The following MEIS1 variants were observed in gnomAD, a reference collection of about 807,000 sequenced individuals.
MEIS1 encodes Meis homeobox 1, also known as homeobox protein Meis1.
MEIS1 carries 5 observed loss-of-function variants against 50.8 expected under a neutral mutation model. The observed-to-expected ratio is 0.10, with a 90% CI of 0.05 to 0.21. The LOEUF (loss-of-function observed/expected upper bound fraction) is 0.21. Ranked by LOEUF, MEIS1 falls within the 10% of genes least tolerant of loss-of-function variation. The pLI is 1.00. For synonymous variants in MEIS1, 176 were observed against 179.3 expected (o/e 0.98, Z 0.15); for missense variants, 318 against 517.3 (o/e 0.61, Z 3.74).
chr2:66,475,209 A>AATAAATATGTATTTATTTT (rs201184412), intron 7 of MEIS1, among the ~76,000 whole-genome samples: 3 of 145,962 alleles, frequency 2.1e-5, no homozygotes, highest in East Asian at 2.0e-4. Flanking sequence ...CACCTATATA[A>AATAAATATGTATTTATTTT]ATAAATATGT....
chr2:66,467,714 A>T (rs1000724048), intron 7 of MEIS1, among the ~76,000 whole-genome samples: 1 of 152,226 alleles, frequency 6.6e-6, no homozygotes, highest in Non-Finnish European at 1.5e-5. Context: ...TTCGCGATTT[A>T]CACAATATAT....
At chr2:66,531,573 C>G (rs576155595) in intron 8 of MEIS1, among the ~76,000 whole-genome samples, 3 of 152,166 alleles carry the variant, frequency 2.0e-5, no homozygotes, top group Non-Finnish European at 2.9e-5. Context: ...TGGTGTATTG[C>G]GGACATTTCT....
chr2:66,440,797 T>A, intron 4 of MEIS1, 185 bp downstream of exon 4: 1 of 577,960 alleles, frequency 1.7e-6, no homozygotes, highest in Non-Finnish European at 3.1e-6. Context: ...AATAAATTCA[T>A]CTCGAGAGGG....
At chr2:66,439,505 C>A in intron 2 of MEIS1, 1 of 1,467,136 alleles carries the variant, frequency 6.8e-7, no homozygotes, top group Non-Finnish European at 9.0e-7. Context: ...GTGGAGGGGA[C>A]GAGGGCTTGT....
At chr2:66,530,576 C>T (rs1674366602) in intron 8 of MEIS1, among the ~76,000 whole-genome samples, 1 of 152,112 alleles carries the variant, frequency 6.6e-6, no homozygotes, top group African/African-American at 2.4e-5. Context: ...ATTAGCCGGG[C>T]GTGGTGGCAG....
At position 66,435,830 on chromosome 2, in the gene MEIS1, G is replaced by A; in HGVS notation, c.-27G>A. 1.3e-6 allele frequency: 2 copies of A among 1,528,392 alleles called. No homozygotes were observed. The highest frequency in any genetic ancestry group is 1.8e-6 in the Non-Finnish European group (2 of 1,137,974). 94.7% of individuals were successfully genotyped at this position (1,528,392 alleles called of 1,614,324 possible). ...CCTTAAAGAGGATATATTAGAAGTT[G>A]AAGTAGGAAGGGAGCCAGAGAGGCC... On this transcript the variant is annotated 5_prime_UTR_variant, in exon 1 of 13. Coordinates refer to ENST00000272369, the MANE Select transcript of MEIS1 (RefSeq NM_002398.3).
chr2:66,477,660 A>G (rs911889024), intron 7 of MEIS1, among the ~76,000 whole-genome samples: 2 of 152,204 alleles, frequency 1.3e-5, no homozygotes, highest in Non-Finnish European at 2.9e-5. Flanking sequence ...GACTCATTTC[A>G]TCAGTTTACT....
intron 6 of MEIS1, among the ~76,000 whole-genome samples, chr2:66,444,292 T>C (rs1573124258): frequency 2.0e-5 from 3 of 152,124 alleles, no homozygotes; most frequent in Non-Finnish European, 4.4e-5. Flanking sequence ...CCAGCTACTC[T>C]GCAAGCTCTG....
Position 66,563,685 on chromosome 2 carries a change from A to C in MEIS1, c.966-3768A>C, listed in dbSNP as rs143527747. ...AACAAACAGCTGGACCAATTTATTT[A>C]AACAGATAGAGGGATGGGGAACTGA... On this transcript the variant is annotated intron_variant, in intron 9 of 12. Coordinates refer to ENST00000272369, the MANE Select transcript of MEIS1 (RefSeq NM_002398.3). Among the ~76,000 whole-genome samples, 446 of 152,288 alleles carry C rather than the reference A, an allele frequency of 2.9e-3. 1 individual carries two copies. Among genetic ancestry groups the C allele is most frequent in the African/African-American group, 9.9e-3 (411 of 41,582 alleles).
At chr2:66,458,560 T>C (rs1672447953) in intron 6 of MEIS1, among the ~76,000 whole-genome samples, 1 of 152,228 alleles carries the variant, frequency 6.6e-6, no homozygotes, top group African/African-American at 2.4e-5. Context: ...GCTTGCTGCA[T>C]GCTTGACAAT....
chr2:66,461,130 T>A (rs1558526876), intron 6 of MEIS1, among the ~76,000 whole-genome samples: 1 of 152,252 alleles, frequency 6.6e-6, no homozygotes, highest in African/African-American at 2.4e-5. Flanking sequence ...GATTTTATTC[T>A]GTCAGCCTTA....
chr2:66,523,861 A>C (rs1253091176), intron 8 of MEIS1, among the ~76,000 whole-genome samples: 2 of 152,174 alleles, frequency 1.3e-5, no homozygotes, highest in Admixed American at 1.3e-4. Flanking sequence ...GAGAAGGCAG[A>C]CCTTATTTGG....
chr2:66,445,951 G>A (rs758818099), intron 6 of MEIS1, among the ~76,000 whole-genome samples: 19 of 152,178 alleles, frequency 1.2e-4, no homozygotes, highest in Non-Finnish European at 2.6e-4. Context: ...CTGCCGGAGA[G>A]AGCCACTTTG....
intron 7 of MEIS1, among the ~76,000 whole-genome samples, chr2:66,499,600 C>T (rs893902113): frequency 5.3e-5 from 8 of 151,152 alleles, no homozygotes; most frequent in Non-Finnish European, 1.0e-4. Context: ...AGACAGTGGA[C>T]TGGTTGCAAC....
chr2:66,505,456 G>C (rs1032996037), intron 7 of MEIS1, among the ~76,000 whole-genome samples: 1 of 152,038 alleles, frequency 6.6e-6, no homozygotes, highest in Admixed American at 6.6e-5. Flanking sequence ...TGTCTTCAGG[G>C]AAAAGCTGAT....
chr2:66,512,467 T>A (rs1673854062), intron 8 of MEIS1, among the ~76,000 whole-genome samples, 173 bp downstream of exon 8: 1 of 152,206 alleles, frequency 6.6e-6, no homozygotes, highest in Non-Finnish European at 1.5e-5. Context: ...ATACCCCAAA[T>A]GAGAAATTTT....
At chr2:66,560,230 A>G (rs1280978271) in intron 9 of MEIS1, among the ~76,000 whole-genome samples, 1 of 151,828 alleles carries the variant, frequency 6.6e-6, no homozygotes, top group African/African-American at 2.4e-5. Context: ...AAAATAATAC[A>G]TGAGTTTTGA....
At chr2:66,534,993 T>A (rs1307234213) in intron 8 of MEIS1, among the ~76,000 whole-genome samples, 1 of 152,220 alleles carries the variant, frequency 6.6e-6, no homozygotes, top group Non-Finnish European at 1.5e-5. Flanking sequence ...AGTTTTAGTT[T>A]AGTTCTTTGT....
chr2:66,485,611 A>G (rs1673123456), intron 7 of MEIS1, among the ~76,000 whole-genome samples: 1 of 152,228 alleles, frequency 6.6e-6, no homozygotes, highest in African/African-American at 2.4e-5. Context: ...TTGGGAATAT[A>G]CCCAGTAATG....
Sources: allele counts gnomAD v4.1 joint callset (sites outside exome capture counted in the v4.1 genomes callset), GRCh38; gene constraint gnomAD v4.1.1; transcripts MANE v1.5; gene names NCBI Gene and HGNC (gene_info 2026-07-23, HGNC 2026-07-21).